The following ARHGAP31 variants were observed in gnomAD, a reference collection of about 807,000 sequenced individuals.
ARHGAP31 encodes the protein rho GTPase-activating protein 31.
In ARHGAP31, 34 loss-of-function variants were observed where a neutral mutation model predicts 113.9. That is an observed-to-expected ratio of 0.30 (90% CI 0.23 to 0.40). ARHGAP31 has a LOEUF of 0.40. ARHGAP31 is among the 10% of genes least tolerant of loss of function. The pLI, the probability that ARHGAP31 is intolerant of heterozygous loss-of-function variation, is 1.00. For missense variants in ARHGAP31, 1,548 were observed against 1,767.1 expected, an observed-to-expected ratio of 0.88 and a Z score of 2.22; for synonymous variants, 650 against 684.8, an observed-to-expected ratio of 0.95 and a Z score of 0.79.
At chr3:119,370,213 T>C (rs989635052) in intron 3 of ARHGAP31, among the ~76,000 whole-genome samples, 2 of 152,300 alleles carry the variant, frequency 1.3e-5, no homozygotes, top group East Asian at 3.9e-4. Flanking sequence ...GAGCTTCATG[T>C]GGGTCTGTCA....
intron 11 of ARHGAP31, among the ~76,000 whole-genome samples, chr3:119,410,333 G>A (rs1369820861): frequency 1.3e-5 from 2 of 152,202 alleles, no homozygotes; most frequent in Admixed American, 6.5e-5. Flanking sequence ...TTTATGGGAT[G>A]TCCTTCAATA....
Position 119,414,394 on chromosome 3 carries a change from T to C in ARHGAP31, c.2465T>C (p.Leu822Pro). The C allele has an allele frequency of 1.2e-6, 2 of 1,614,124 alleles. No homozygotes were observed. Residue 822 changes from leucine to proline, a missense_variant, in exon 12 of 12, where the codon CTG becomes CCG. Transcript: ENST00000264245. ...AGGACAGATCTCTACATAGACCAGC[T>C]GAAGTCCCAAGACAGCCCTGAGATC... is the stretch of plus-strand genomic sequence containing the variant. ...KLRTDLYIDQ[L>P]KSQDSPEISS...
chr3:119,413,766 G>C, intron 11 of ARHGAP31, 90 bp from the exon 12 acceptor site: 3 of 1,579,714 alleles, frequency 1.9e-6, no homozygotes, highest in Non-Finnish European at 2.6e-6. Context: ...ACAGGCTGGT[G>C]CTGTCAGTCC....
In ARHGAP31 at chr3:119,409,775, T is replaced by C. The variant is rs776555287; in HGVS notation, c.1925T>C (p.Met642Thr). The C allele has an allele frequency of 1.2e-6, 2 of 1,600,504 alleles. No homozygotes were observed. Among genetic ancestry groups the C allele is most frequent in the South Asian group, 1.1e-5 (1 of 88,904 alleles). ...GCCGAAGCTGTGCTTCTCCATGAGATGGTAAAGTGCATTCTCCACCTGCTC... is the reference window on the plus strand; with the variant it reads ...GCCGAAGCTGTGCTTCTCCATGAGACGGTAAAGTGCATTCTCCACCTGCTC... Reference protein sequence around the residue: ...ARAEAVLLHEMDEDDLANALI... With the variant: ...ARAEAVLLHETDEDDLANALI... The change falls in exon 11 of 12, where the codon ATG becomes ACG. Residue 642 changes from methionine (M) to threonine (T), a missense_variant and splice_region_variant. Met to Thr is a moderately conservative substitution (Grantham distance 81). Coordinates refer to ENST00000264245, the MANE Select transcript of ARHGAP31 (RefSeq NM_020754.4).
intron 1 of ARHGAP31, among the ~76,000 whole-genome samples, chr3:119,296,794 G>C (rs778386102): frequency 6.6e-6 from 1 of 152,140 alleles, no homozygotes; most frequent in African/African-American, 2.4e-5. Context: ...TGGCAAACCA[G>C]TACCCCGGGT....
At position 119,381,855 on chromosome 3, in the gene ARHGAP31, G is replaced by A. The variant is rs552181586; in HGVS notation, c.432-437G>A. 1.2e-4 allele frequency among the ~76,000 whole-genome samples: 18 copies of A among 152,226 alleles called. No individual in the cohort carries two copies. In the East Asian group the frequency reaches 2.1e-3, roughly 18 times the overall value. On this transcript the variant is annotated intron_variant, in intron 4 of 11. Transcript: ENST00000264245. The stretch of plus-strand genomic sequence containing the variant: ...CAAAAAATTAGCCGGGCGTGGTGGC[G>A]GGCGCCTTTAGTTCCAGCTAGTGGG...
At chr3:119,361,953 TAAAC>T (rs2080210713) in intron 1 of ARHGAP31, among the ~76,000 whole-genome samples, 3 of 152,296 alleles carry the variant, frequency 2.0e-5, no homozygotes, top group South Asian at 2.1e-4. Context: ...GCCTCCCACT[TAAAC>T]AAAGCCATGG....
chr3:119,326,271 A>G (rs963677251), intron 1 of ARHGAP31, among the ~76,000 whole-genome samples: 27 of 152,212 alleles, frequency 1.8e-4, no homozygotes, highest in Non-Finnish European at 2.9e-5. Context: ...CAAGTGGCCT[A>G]CAGCGATGCT....
At chr3:119,343,545 G>A (rs948907197) in intron 1 of ARHGAP31, among the ~76,000 whole-genome samples, 6 of 152,122 alleles carry the variant, frequency 3.9e-5, no homozygotes, top group African/African-American at 1.4e-4. Flanking sequence ...CTTCCTCTTC[G>A]CTTTTCCAGA....
At chr3:119,403,607 C>T (rs995493201) in intron 10 of ARHGAP31, among the ~76,000 whole-genome samples, 1 of 152,102 alleles carries the variant, frequency 6.6e-6, no homozygotes, top group Non-Finnish European at 1.5e-5. Flanking sequence ...GGGTTAGGTA[C>T]CCAAAGCATC....
At chr3:119,374,574 G>A (rs956697528) in intron 3 of ARHGAP31, among the ~76,000 whole-genome samples, 9 of 152,138 alleles carry the variant, frequency 5.9e-5, no homozygotes, top group African/African-American at 1.4e-4. Context: ...TGATTGGATC[G>A]TGGGGGCAGT....
chr3:119,371,840 A>T (rs112104098), intron 3 of ARHGAP31, among the ~76,000 whole-genome samples: 10,629 of 152,160 alleles, frequency 0.07, 488 homozygotes, highest in South Asian at 0.1. Context: ...GCTCCCACTT[A>T]TGAGTGAGAA....
chr3:119,316,841 TA>T (rs893043400), intron 1 of ARHGAP31, among the ~76,000 whole-genome samples: 2 of 152,168 alleles, frequency 1.3e-5, no homozygotes, highest in African/African-American at 4.8e-5. Flanking sequence ...ACTTCATGCT[TA>T]AAAAAATAAG....
chr3:119,331,216 T>C (rs1381741820), intron 1 of ARHGAP31, among the ~76,000 whole-genome samples: 1 of 152,070 alleles, frequency 6.6e-6, no homozygotes, highest in Non-Finnish European at 1.5e-5. Flanking sequence ...TAATAAAACA[T>C]TGTTTCAGCC....
rs115631009 is a variant in ARHGAP31, at chr3:119,353,118, T to C, written c.101-12198T>C. On this transcript the variant is annotated intron_variant, in intron 1 of 11. Coordinates refer to ENST00000264245, the MANE Select transcript of ARHGAP31 (RefSeq NM_020754.4). ...ATATCAAATCATTCCTCTGCACCAG[T>C]GTCAGAGTTCTTATTGCAGCACCTT... Among the ~76,000 whole-genome samples, 937 of 152,306 alleles carry C rather than the reference T, an allele frequency of 6.2e-3. 11 individuals are homozygous for C. The highest frequency in any genetic ancestry group is 0.021 in the African/African-American group (874 of 41,564).
At chr3:119,387,335 G>T (rs1327115902) in intron 6 of ARHGAP31, among the ~76,000 whole-genome samples, 1 of 152,104 alleles carries the variant, frequency 6.6e-6, no homozygotes, top group East Asian at 1.9e-4. Context: ...TATATGGCCT[G>T]GTTTTTCCTA....
chr3:119,413,715 C>T, intron 11 of ARHGAP31, 141 bp from the exon 12 acceptor site: 1 of 1,132,958 alleles, frequency 8.8e-7, no homozygotes. Context: ...CAAATAGCCA[C>T]AGGTATTATC....
intron 1 of ARHGAP31, among the ~76,000 whole-genome samples, chr3:119,351,904 A>G (rs1485927098): frequency 6.6e-6 from 1 of 152,220 alleles, no homozygotes; most frequent in Non-Finnish European, 1.5e-5. Context: ...GATTCCACTG[A>G]TGTGTGCTTT....
At chr3:119,372,397 C>CCTCA (rs1288368210) in intron 3 of ARHGAP31, among the ~76,000 whole-genome samples, 1 of 151,702 alleles carries the variant, frequency 6.6e-6, no homozygotes, top group East Asian at 1.9e-4. Flanking sequence ...TATTCTCCTG[C>CCTCA]CTCAGTCTCC....
Sources: allele counts gnomAD v4.1 joint callset (sites outside exome capture counted in the v4.1 genomes callset), GRCh38; gene constraint gnomAD v4.1.1; transcripts MANE v1.5; gene names NCBI Gene and HGNC (gene_info 2026-07-23, HGNC 2026-07-21).